The following EFCAB5 variants were observed in gnomAD, a reference collection of about 807,000 sequenced individuals.
The protein encoded by EFCAB5 is EF-hand calcium-binding domain-containing protein 5.
In EFCAB5, 131 loss-of-function variants were observed where a neutral mutation model predicts 167.9. That is an observed-to-expected ratio of 0.78 (90% CI 0.68 to 0.90). The LOEUF (loss-of-function observed/expected upper bound fraction) is 0.90. Among genes scored for constraint, EFCAB5 ranks in the 40% least tolerant of loss-of-function variants. The probability of loss-of-function intolerance (pLI) is 0.00; values close to 1 mark genes in which losing one functional copy is unlikely to be tolerated. For missense variants in EFCAB5, 1,663 were observed against 1,745.2 expected (o/e 0.95, Z 0.84); for synonymous variants, 574 against 602.8 (o/e 0.95, Z 0.70).
At chr17:29,986,589 A>G (rs542722213) in intron 4 of EFCAB5, among the ~76,000 whole-genome samples, 16 of 150,644 alleles carry the variant, frequency 1.1e-4, no homozygotes, top group African/African-American at 3.7e-4. Flanking sequence ...AATTCTGCTT[A>G]CAAATAGGTT....
In EFCAB5 at chr17:29,943,684, C is replaced by G. The variant is rs1280846586; in HGVS notation, c.190+35C>G. 4 of 1,531,404 alleles carry G rather than the reference C, an allele frequency of 2.6e-6. No individual in the cohort carries two copies. The East Asian group carries it at 9.9e-5, about 38-fold the overall frequency. The allele number at this position is 1,531,404 out of a possible 1,614,324, so 94.9% of individuals were successfully genotyped here. On this transcript the variant is annotated intron_variant, in intron 3 of 22. Coordinates refer to ENST00000394835, the MANE Select transcript of EFCAB5 (RefSeq NM_198529.4). The stretch of plus-strand genomic sequence containing the variant: ...TAGCCTTTCTCTTATACAATAGAAT[C>G]TAAAACTGGCTGGGCGTGGTGGCTC...
rs1442648098 is a variant in EFCAB5 at position 29,943,619 on chromosome 17, G to A, written c.160G>A (p.Glu54Lys). 3 of 1,584,620 alleles carry A rather than the reference G, an allele frequency of 1.9e-6. No individual in the cohort carries two copies. Among genetic ancestry groups the A allele is most frequent in the African/African-American group, 2.7e-5 (2 of 74,296 alleles). ...AAAAGAGGACACCAACAGTGTGGTG[G>A]AGAAAGCAATGGATGAAATCAAATC... ...PVKEDTNSVV[E>K]KAMDEIKSQE... Residue 54 changes from glutamate to lysine, a missense_variant, in exon 3 of 23, where the codon GAG becomes AAG. By Grantham distance (56) the Glu-to-Lys change is moderately conservative. Coordinates refer to ENST00000394835, the MANE Select transcript of EFCAB5 (RefSeq NM_198529.4).
At position 30,022,254 on chromosome 17, in the gene EFCAB5, G is replaced by A. The variant is rs537205254; in HGVS notation, c.1045-11976G>A. The stretch of plus-strand genomic sequence containing the variant: ...AAAAATATTTACTCAATACAATAAT[G>A]CATTGTTGTATGGGAGTGTGTCTGT... On this transcript the variant is annotated intron_variant, in intron 7 of 22. Coordinates refer to ENST00000394835, the MANE Select transcript of EFCAB5 (RefSeq NM_198529.4). Among the ~76,000 whole-genome samples the A allele has an allele frequency of 3.5e-4, 53 of 152,204 alleles. 1 individual carries two copies. The South Asian group carries it at 0.011, about 32-fold the overall frequency.
At chr17:29,956,984 A>G (rs1483190181) in intron 3 of EFCAB5, among the ~76,000 whole-genome samples, 1 of 152,224 alleles carries the variant, frequency 6.6e-6, no homozygotes, top group Non-Finnish European at 1.5e-5. Context: ...CTCCAGTACT[A>G]TGTTGAATAA....
intron 8 of EFCAB5, among the ~76,000 whole-genome samples, chr17:30,050,205 G>A (rs1235518736): frequency 6.6e-6 from 1 of 150,970 alleles, no homozygotes; most frequent in Non-Finnish European, 1.5e-5. Context: ...CATGATCTCT[G>A]TTCACCGCAA....
intron 3 of EFCAB5, among the ~76,000 whole-genome samples, chr17:29,955,425 C>T (rs944312132): frequency 6.6e-5 from 10 of 152,148 alleles, no homozygotes; most frequent in African/African-American, 1.2e-4. Context: ...AGTTCCCCTG[C>T]GCATGCTCTG....
chr17:29,934,082 G>C (rs1485985599), intron 1 of EFCAB5, among the ~76,000 whole-genome samples: 2 of 152,104 alleles, frequency 1.3e-5, no homozygotes, highest in Non-Finnish European at 2.9e-5. Context: ...AAAATTTAAT[G>C]AAAAACCTGA....
At chr17:30,062,663 C>T (rs1027303102) in intron 14 of EFCAB5, among the ~76,000 whole-genome samples, 9 of 152,092 alleles carry the variant, frequency 5.9e-5, no homozygotes, top group Non-Finnish European at 1.0e-4. Flanking sequence ...TGAGTAGTCA[C>T]GACACCCCTT....
chr17:30,078,157 C>T (rs2070905835), intron 14 of EFCAB5, 58 bp from the exon 15 acceptor site: 4 of 1,511,376 alleles, frequency 2.6e-6, no homozygotes, highest in Non-Finnish European at 3.5e-6. Context: ...AATGAAAATC[C>T]CCCCCACCAA....
At position 29,955,076 on chromosome 17, in the gene EFCAB5, T is replaced by C. The variant is rs544625428; in HGVS notation, c.190+11427T>C. 8.2e-4 allele frequency among the ~76,000 whole-genome samples: 125 copies of C among 152,326 alleles called. 1 individual carries two copies. Among genetic ancestry groups the C allele is most frequent in the African/African-American group, 2.9e-3 (122 of 41,574 alleles). ...TAGGAAGTAACTAACTTGCTTTTGA[T>C]TTTACAGGCTCATAGGCAGAAGGGA... On this transcript the variant is annotated intron_variant, in intron 3 of 22. Transcript: ENST00000394835.
At chr17:30,043,683 A>G (rs1567735316) in intron 8 of EFCAB5, among the ~76,000 whole-genome samples, 1 of 152,234 alleles carries the variant, frequency 6.6e-6, no homozygotes, top group African/African-American at 2.4e-5. Flanking sequence ...GCAAATATCT[A>G]CAGGCTGAAA....
intron 14 of EFCAB5, chr17:30,069,158 C>A: frequency 6.5e-7 from 1 of 1,543,070 alleles, no homozygotes; most frequent in African/African-American, 1.4e-5. Context: ...AATGCAAAGA[C>A]AAGAGAATCC....
Position 30,092,935 on chromosome 17 carries a change from A to G in EFCAB5, c.4320A>G (p.Arg1440=). 6.3e-7 allele frequency: 1 copy of G among 1,597,070 alleles called. No individual in the cohort carries two copies. Among genetic ancestry groups the G allele is most frequent in the Non-Finnish European group, 8.5e-7 (1 of 1,171,794 alleles). The part of the protein sequence containing the change: ...VNVQLIDEYI[R]DHSRTEVWKF... ...TACAGCTTATTGATGAATATATCAG[A>G]GGTAAATTTCCACTTAATTACAGCC... is the stretch of plus-strand genomic sequence containing the variant. Residue 1440 remains arginine (R), a splice_region_variant and synonymous_variant, in exon 22 of 23, where the codon AGA becomes AGG. Transcript: ENST00000394835.
chr17:29,958,672 T>C (rs1365598127), intron 3 of EFCAB5, among the ~76,000 whole-genome samples: 1 of 152,178 alleles, frequency 6.6e-6, no homozygotes, highest in African/African-American at 2.4e-5. Flanking sequence ...GATAAGGTCA[T>C]GATGTTTGTG....
chr17:30,000,813 T>G (rs2068646182), intron 7 of EFCAB5, among the ~76,000 whole-genome samples: 1 of 152,220 alleles, frequency 6.6e-6, no homozygotes, highest in Non-Finnish European at 1.5e-5. Flanking sequence ...TGTTTGTCTA[T>G]TTGTCATGCA....
intron 22 of EFCAB5, among the ~76,000 whole-genome samples, chr17:30,096,675 ATATTTT>A (rs1479997167): frequency 1.5e-4 from 11 of 71,852 alleles, no homozygotes; most frequent in Admixed American, 4.9e-4. Flanking sequence ...ATATATATAT[ATATTTT>A]TTTTTTTTTT....
intron 19 of EFCAB5, among the ~76,000 whole-genome samples, chr17:30,089,834 G>A (rs997810969): frequency 2.6e-5 from 4 of 152,198 alleles, no homozygotes; most frequent in African/African-American, 9.7e-5. Flanking sequence ...TTGCCTCAAG[G>A]TGGGACAGAT....
At chr17:30,073,003 G>A (rs191577118) in intron 14 of EFCAB5, 16 of 504,300 alleles carry the variant, frequency 3.2e-5, no homozygotes, top group African/African-American at 8.0e-5. Flanking sequence ...TAGACAATGG[G>A]AGTTCTTTCA....
At chr17:29,999,435 A>C (rs1258576902) in intron 6 of EFCAB5, among the ~76,000 whole-genome samples, 1 of 152,162 alleles carries the variant, frequency 6.6e-6, no homozygotes, top group Non-Finnish European at 1.5e-5. Flanking sequence ...GTAGAGAAAA[A>C]GGAAGATATT....
Sources: gnomAD v4.1 joint callset for allele counts (sites outside exome capture counted in the v4.1 genomes callset) on GRCh38, gnomAD v4.1.1 for gene constraint, MANE v1.5 for transcripts, NCBI Gene and HGNC (gene_info 2026-07-23, HGNC 2026-07-21) for gene names.